The following KAZN variants were observed in gnomAD, a reference collection of about 807,000 sequenced individuals.
KAZN encodes kazrin.
A neutral mutation model predicts 87.4 loss-of-function variants in KAZN; 40 were observed. The ratio of observed to expected loss-of-function variants is 0.46; its 90% CI spans 0.36 to 0.60. The LOEUF (loss-of-function observed/expected upper bound fraction) is 0.60, where lower values mean the gene tolerates loss of function less well. Among genes scored for constraint, KAZN ranks in the 20% least tolerant of loss-of-function variants. KAZN has a pLI of 0.00. For missense variants in KAZN, 898 were observed against 1,073.9 expected (o/e 0.84, Z 2.29); for synonymous variants, 466 against 458.3 (o/e 1.02, Z -0.22).
At chr1:14,511,457 T>C (rs10927452) in intron 2 of KAZN, among the ~76,000 whole-genome samples, 19,286 of 152,268 alleles carry the variant, frequency 0.13, 1,386 homozygotes, top group East Asian at 0.19. Flanking sequence ...ATTCTAAGTA[T>C]GGCAGAACTA....
chr1:14,431,864 G>A (rs773179720), intron 2 of KAZN, among the ~76,000 whole-genome samples: 16 of 152,190 alleles, frequency 1.1e-4, no homozygotes, highest in Non-Finnish European at 1.6e-4. Flanking sequence ...GACTCGGACT[G>A]AGACACTACT....
At chr1:14,093,882 A>G (rs1644064805) in intron 1 of KAZN, among the ~76,000 whole-genome samples, 1 of 152,134 alleles carries the variant, frequency 6.6e-6, no homozygotes, top group Non-Finnish European at 1.5e-5. Context: ...TGATGGTAAT[A>G]GACTCAGTGG....
At chr1:14,369,743 T>C (rs1660314377) in intron 2 of KAZN, among the ~76,000 whole-genome samples, 1 of 152,188 alleles carries the variant, frequency 6.6e-6, no homozygotes. Context: ...GTGCCAGTTA[T>C]GCAAAGTAAG....
chr1:14,211,135 C>T (rs1299204824), intron 2 of KAZN, among the ~76,000 whole-genome samples: 4 of 152,328 alleles, frequency 2.6e-5, no homozygotes, highest in Middle Eastern at 3.4e-3. Flanking sequence ...GGCACTCATA[C>T]ACCCAAATTG....
chr1:14,711,060 G>T (rs770794130), intron 1 of KAZN, among the ~76,000 whole-genome samples: 1 of 152,168 alleles, frequency 6.6e-6, no homozygotes, highest in East Asian at 1.9e-4. Context: ...GGGCATGGTG[G>T]TGTGTGCTTG....
At chr1:14,428,018 A>G (rs1395169987) in intron 2 of KAZN, among the ~76,000 whole-genome samples, 1 of 152,188 alleles carries the variant, frequency 6.6e-6, no homozygotes, top group South Asian at 2.1e-4. Context: ...GCTGGAATCC[A>G]TCAAGTCTGA....
chr1:15,101,652 C>T lies in KAZN; in HGVS notation c.1657C>T (p.Arg553Trp), dbSNP rs1194585001. ...CTTTCAGAACCACCTGGTTGATGGG[C>T]GGATGCTGAATTCCCTGATGAAGCG... ...QAFQNHLVDG[R>W]MLNSLMKRDL... Residue 553 changes from arginine to tryptophan, a missense_variant, in exon 11 of 15, where the codon CGG becomes TGG. Transcript: ENST00000376030. The T allele has an allele frequency of 1.9e-6, 3 of 1,578,772 alleles. No individual in the cohort carries two copies. The highest frequency in any genetic ancestry group is 1.7e-6 in the Non-Finnish European group (2 of 1,161,740).
At chr1:14,725,971 C>G (rs1433925053) in intron 1 of KAZN, among the ~76,000 whole-genome samples, 1 of 152,186 alleles carries the variant, frequency 6.6e-6, no homozygotes, top group Non-Finnish European at 1.5e-5. Flanking sequence ...TGGGTTGCAT[C>G]TAGGTTGCAC....
intron 1 of KAZN, among the ~76,000 whole-genome samples, chr1:14,154,568 G>T (rs1645547135): frequency 6.6e-6 from 1 of 152,140 alleles, no homozygotes; most frequent in South Asian, 2.1e-4. Flanking sequence ...TCCTTGTTAT[G>T]CTTCAGATCT....
chr1:13,904,826 A>G (rs1639376576), intron 1 of KAZN, among the ~76,000 whole-genome samples: 2 of 152,256 alleles, frequency 1.3e-5, no homozygotes, highest in South Asian at 4.2e-4. Flanking sequence ...ACTCATGTTC[A>G]GTTACTTATT....
Position 14,469,474 on chromosome 1 carries a change from A to AAGGTT in KAZN, c.250-129507_250-129503dup, listed in dbSNP as rs1195746218. On this transcript the variant is annotated intron_variant, in intron 2 of 16. Coordinates refer to the KAZN transcript ENST00000636203. ...AGCCCATTTTTAAAAAATGAAACGG[A>AAGGTT]AGGTTATTTTGCTAGCAGAAAACTG... 2.1e-4 allele frequency among the ~76,000 whole-genome samples: 32 copies of AAGGTT among 152,308 alleles called. 1 individual carries two copies. Among genetic ancestry groups the AAGGTT allele is most frequent in the African/African-American group, 7.5e-4 (31 of 41,576 alleles).
chr1:13,958,304 C>T (rs1055245124), intron 1 of KAZN, among the ~76,000 whole-genome samples: 2 of 152,172 alleles, frequency 1.3e-5, no homozygotes, highest in South Asian at 2.1e-4. Context: ...GGTGCGGTGG[C>T]TCACGCCTGT....
At chr1:14,799,387 G>C (rs754168934) in intron 1 of KAZN, among the ~76,000 whole-genome samples, 1 of 152,182 alleles carries the variant, frequency 6.6e-6, no homozygotes, top group Non-Finnish European at 1.5e-5. Flanking sequence ...GGGAATGCCT[G>C]TTCCGCTTTC....
chr1:14,562,780 T>C (rs1439389517), intron 2 of KAZN, among the ~76,000 whole-genome samples: 1 of 152,218 alleles, frequency 6.6e-6, no homozygotes, highest in African/African-American at 2.4e-5. Context: ...TTACAGTAGA[T>C]GTTTATTAAT....
At chr1:14,915,924 A>T (rs879429014) in intron 1 of KAZN, among the ~76,000 whole-genome samples, 11 of 152,152 alleles carry the variant, frequency 7.2e-5, no homozygotes, top group Non-Finnish European at 1.5e-4. Flanking sequence ...TTGCAGCCAG[A>T]CTACGTGGGC....
chr1:14,359,912 T>G (rs902488407), intron 2 of KAZN, among the ~76,000 whole-genome samples: 1 of 152,204 alleles, frequency 6.6e-6, no homozygotes, highest in Admixed American at 6.5e-5. Context: ...TGATTATATG[T>G]CTTGTGGTTG....
At chr1:14,641,966 G>GAAT (rs1680438676) in intron 1 of KAZN, among the ~76,000 whole-genome samples, 1 of 152,208 alleles carries the variant, frequency 6.6e-6, no homozygotes, top group African/African-American at 2.4e-5. Flanking sequence ...CTCAAACTCA[G>GAAT]ACATCAAGAA....
chr1:15,061,888 C>T (rs1234486158), intron 6 of KAZN: 1 of 152,142 alleles, frequency 6.6e-6, no homozygotes, highest in Non-Finnish European at 1.5e-5. Flanking sequence ...GAAGAGAATC[C>T]TAGTGACAAA....
chr1:14,100,331 C>A (rs1644221884), intron 1 of KAZN, among the ~76,000 whole-genome samples: 1 of 152,144 alleles, frequency 6.6e-6, no homozygotes, highest in African/African-American at 2.4e-5. Context: ...CAGATATGTC[C>A]CTGTGTTAGG....
Sources: allele counts gnomAD v4.1 joint callset (sites outside exome capture counted in the v4.1 genomes callset), GRCh38; gene constraint gnomAD v4.1.1; transcripts MANE v1.5; gene names NCBI Gene and HGNC (gene_info 2026-07-23, HGNC 2026-07-21).